Variants in ADAM22 observed in about 807,000 individuals in gnomAD.
ADAM22 encodes disintegrin and metalloproteinase domain-containing protein 22.
Under a neutral mutation model 144.6 loss-of-function variants are expected in ADAM22, and 65 were observed. The ratio of observed to expected loss-of-function variants is 0.45; its 90% CI spans 0.37 to 0.55. The LOEUF (loss-of-function observed/expected upper bound fraction) is 0.55, where lower values mean the gene tolerates loss of function less well. ADAM22 is among the 20% of genes least tolerant of loss of function. ADAM22 has a pLI of 0.00. For missense variants in ADAM22, 974 were observed against 1,184.9 expected (o/e 0.82, Z 2.61); for synonymous variants, 391 against 412.6 (o/e 0.95, Z 0.63).
chr7:88,072,982 T>C (rs1295354257), intron 3 of ADAM22, among the ~76,000 whole-genome samples: 3 of 152,238 alleles, frequency 2.0e-5, no homozygotes, highest in African/African-American at 7.2e-5. Flanking sequence ...TTGTGAAATA[T>C]ATAATATACT....
At chr7:88,193,706 T>A (rs1350982071) in intron 31 of ADAM22, among the ~76,000 whole-genome samples, 1 of 152,226 alleles carries the variant, frequency 6.6e-6, no homozygotes, top group Non-Finnish European at 1.5e-5. Flanking sequence ...TCTGTTGTGG[T>A]CATTTACACT....
At chr7:88,059,781 A>G (rs572009797) in intron 3 of ADAM22, among the ~76,000 whole-genome samples, 1 of 152,338 alleles carries the variant, frequency 6.6e-6, no homozygotes, top group African/African-American at 2.4e-5. Context: ...GAAATACTGC[A>G]TGTTCTTACT....
chr7:88,044,788 C>T (rs530453786), intron 3 of ADAM22, among the ~76,000 whole-genome samples: 18 of 151,482 alleles, frequency 1.2e-4, no homozygotes, highest in South Asian at 4.2e-4. Flanking sequence ...TGCAGTGGCG[C>T]GATCTCGGCT....
intron 3 of ADAM22, among the ~76,000 whole-genome samples, chr7:87,983,038 A>G (rs1347002884): frequency 2.0e-5 from 3 of 151,944 alleles, no homozygotes; most frequent in Non-Finnish European, 4.4e-5. Flanking sequence ...TCTTCTGAAG[A>G]TCTTTTCATT....
chr7:87,991,626 A>C (rs1789914514), intron 3 of ADAM22, among the ~76,000 whole-genome samples: 1 of 151,564 alleles, frequency 6.6e-6, no homozygotes, highest in Non-Finnish European at 1.5e-5. Context: ...TCGGCCTCCC[A>C]AAGTGCTGGG....
chr7:88,051,807 A>T (rs1482322960), intron 3 of ADAM22, among the ~76,000 whole-genome samples: 1 of 151,994 alleles, frequency 6.6e-6, no homozygotes, highest in Admixed American at 6.6e-5. Flanking sequence ...TTATATTATC[A>T]TTTCATATTG....
chr7:88,110,900 G>T, intron 5 of ADAM22, among the ~76,000 whole-genome samples: 1 of 134,728 alleles, frequency 7.4e-6, no homozygotes. Context: ...CTGCCAGCAT[G>T]CCCATCTAAT....
chr7:87,983,481 C>T (rs1333161881), intron 3 of ADAM22, among the ~76,000 whole-genome samples: 1 of 152,046 alleles, frequency 6.6e-6, no homozygotes, highest in Non-Finnish European at 1.5e-5. Flanking sequence ...TAGTGTTATA[C>T]AGGAAAGGCA....
chr7:88,165,740 T>C (rs948874582), intron 23 of ADAM22, 92 bp from the exon 24 acceptor site: 10 of 825,232 alleles, frequency 1.2e-5, no homozygotes, highest in Non-Finnish European at 1.9e-5. Context: ...ATTACCACAT[T>C]CTAAGCATAT....
At chr7:88,090,492 T>G (rs948568941) in intron 4 of ADAM22, among the ~76,000 whole-genome samples, 6 of 152,244 alleles carry the variant, frequency 3.9e-5, no homozygotes, top group Non-Finnish European at 8.8e-5. Context: ...CACGACTTAA[T>G]GTCAGTTTGA....
At chr7:87,971,285 A>G (rs1299221007) in intron 2 of ADAM22, among the ~76,000 whole-genome samples, 2 of 152,148 alleles carry the variant, frequency 1.3e-5, no homozygotes, top group Non-Finnish European at 2.9e-5. Context: ...TATAATATTT[A>G]TTCATTAGAA....
intron 3 of ADAM22, among the ~76,000 whole-genome samples, chr7:88,053,875 A>G (rs1807380566): frequency 6.6e-6 from 1 of 152,186 alleles, no homozygotes; most frequent in South Asian, 2.1e-4. Flanking sequence ...TTATGCCTGT[A>G]ATCGCAGCAC....
intron 3 of ADAM22, among the ~76,000 whole-genome samples, chr7:88,040,093 G>C (rs913256926): frequency 1.3e-5 from 2 of 151,340 alleles, no homozygotes; most frequent in Non-Finnish European, 3.0e-5. Context: ...AAAGGGTCAG[G>C]ATTTCAGTTA....
At chr7:87,981,724 A>G (rs1183419234) in intron 3 of ADAM22, among the ~76,000 whole-genome samples, 1 of 151,980 alleles carries the variant, frequency 6.6e-6, no homozygotes, top group East Asian at 1.9e-4. Flanking sequence ...AAAAATCACC[A>G]TGGATAAAAG....
intron 5 of ADAM22, among the ~76,000 whole-genome samples, chr7:88,110,084 G>A (rs1825609871): frequency 6.6e-6 from 1 of 152,168 alleles, no homozygotes; most frequent in Non-Finnish European, 1.5e-5. Flanking sequence ...TGTGCTAAAA[G>A]ACTACTGTGA....
At chr7:87,940,869 T>C (rs945733162) in intron 2 of ADAM22, among the ~76,000 whole-genome samples, 1 of 152,242 alleles carries the variant, frequency 6.6e-6, no homozygotes, top group Non-Finnish European at 1.5e-5. Context: ...ACTTATACTT[T>C]TACCTGGACT....
At chr7:88,172,559 A>G (rs552986335) in intron 26 of ADAM22, among the ~76,000 whole-genome samples, 3 of 152,060 alleles carry the variant, frequency 2.0e-5, no homozygotes, top group Non-Finnish European at 2.9e-5. Context: ...CATTTTTTTC[A>G]CAAATCAAAA....
chr7:88,016,871 A>G (rs138893531), intron 3 of ADAM22, among the ~76,000 whole-genome samples: 346 of 152,326 alleles, frequency 2.3e-3, no homozygotes, highest in African/African-American at 8.2e-3. Context: ...TAATCCCAAC[A>G]CTTTGGGAAG....
intron 4 of ADAM22, among the ~76,000 whole-genome samples, chr7:88,096,914 T>C (rs1009986781): frequency 1.3e-5 from 2 of 152,154 alleles, no homozygotes; most frequent in African/African-American, 2.4e-5. Context: ...TTTCATTAGA[T>C]ACAACCTTAA....
Sources: gnomAD v4.1 joint callset for allele counts (sites outside exome capture counted in the v4.1 genomes callset) on GRCh38, gnomAD v4.1.1 for gene constraint, MANE v1.5 for transcripts, NCBI Gene and HGNC (gene_info 2026-07-23, HGNC 2026-07-21) for gene names.